SMYD4: variants seen among roughly 807,000 people sequenced by gnomAD.
The protein encoded by SMYD4 is SET and MYND domain containing 4.
In SMYD4, 68 loss-of-function variants were observed where a neutral mutation model predicts 72.8. That is an observed-to-expected ratio of 0.93 (90% confidence interval 0.77 to 1.14). The LOEUF is 1.14. SMYD4 is among the 50% of genes most tolerant of loss of function. SMYD4 has a pLI of 0.00. For synonymous variants in SMYD4, 407 were observed against 388.6 expected, an observed-to-expected ratio of 1.05 and a Z score of -0.56; for missense variants, 984 against 1,003.7, an observed-to-expected ratio of 0.98 and a Z score of 0.27.
intron 10 of SMYD4, 51 bp from the exon 11 acceptor site, chr17:1,781,490 G>A (rs2151216427): frequency 1.9e-6 from 3 of 1,587,080 alleles, no homozygotes; most frequent in Non-Finnish European, 2.6e-6. Context: ...TGAGGCAAAT[G>A]TTAATTGAGG....
chr17:1,788,822 T>C (rs1427222587), intron 5 of SMYD4, among the ~76,000 whole-genome samples: 3 of 152,136 alleles, frequency 2.0e-5, no homozygotes, highest in African/African-American at 7.2e-5. Context: ...CTGTAACACT[T>C]CACTTAGCCA....
chr17:1,812,068 ACC>A lies in SMYD4; in HGVS notation c.180_181del (p.Leu60PhefsTer33). Reference sequence around the variant, plus strand: ...AAGAGGAGCGTCCGAGTCCTTTCCCACCAAGTAACCTTTAGAAAGTCTTTTTA... The same window carrying A: ...AAGAGGAGCGTCCGAGTCCTTTCCCAAAGTAACCTTTAGAAAGTCTTTTTA... On this transcript the variant is annotated frameshift_variant, in exon 3 of 11. Transcript: ENST00000305513. LOFTEE classifies it high-confidence loss of function. 6.2e-7 allele frequency: 1 copy of A among 1,614,070 alleles called. No individual in the cohort carries two copies. Among genetic ancestry groups the A allele is most frequent in the Non-Finnish European group, 8.5e-7 (1 of 1,180,004 alleles).
rs927117885 is a variant in SMYD4 at position 1,783,473 on chromosome 17, C to A, written c.2024G>T (p.Arg675Leu). The A allele has an allele frequency of 6.8e-6, 11 of 1,606,074 alleles. No homozygotes were observed. The highest frequency in any genetic ancestry group is 9.3e-6 in the Non-Finnish European group (11 of 1,176,504). Reference sequence around the variant, plus strand: ...GCACCCCGACAGCCGCTGAACAGCTCGCTCTGTCAATGCAGAGGAAAGACG... The same window carrying A: ...GCACCCCGACAGCCGCTGAACAGCTAGCTCTGTCAATGCAGAGGAAAGACG... ...QKLLRDGELE[R>L]AVQRLSGCQR... is the part of the protein sequence containing the mutation. Residue 675 changes from arginine (R) to leucine (L), a missense_variant, in exon 9 of 11, where the codon CGA becomes CTA. By Grantham distance (102) the Arg-to-Leu change is moderately radical (BLOSUM62 -2). Transcript: ENST00000305513.
Position 1,794,643 on chromosome 17 carries a change from T to TG in SMYD4, c.1537+5213dup, listed in dbSNP as rs533841600. Reference sequence around the variant, plus strand: ...ATTTGAAAAAGACTCTAATCCTTTTTGGGGGGCTGTCATCAGTTTCCAGTT... The same window carrying TG: ...ATTTGAAAAAGACTCTAATCCTTTTTGGGGGGGCTGTCATCAGTTTCCAGTT... On this transcript the variant is annotated intron_variant, in intron 5 of 10. Transcript: ENST00000305513. Among the ~76,000 whole-genome samples, 242 of 152,180 alleles carry TG rather than the reference T, an allele frequency of 1.6e-3. 1 individual carries two copies. The highest frequency in any genetic ancestry group is 3.0e-3 in the Non-Finnish European group (201 of 67,990).
chr17:1,824,811 G>C (rs113847223), intron 2 of SMYD4, among the ~76,000 whole-genome samples: 1 of 151,952 alleles, frequency 6.6e-6, no homozygotes, highest in African/African-American at 2.4e-5. Context: ...TTTTAGTAGA[G>C]ATGGGGTTTC....
chr17:1,813,073 G>C (rs1420703568), intron 2 of SMYD4, among the ~76,000 whole-genome samples: 1 of 152,128 alleles, frequency 6.6e-6, no homozygotes, highest in Non-Finnish European at 1.5e-5. Context: ...CGAGTAGCGG[G>C]GATTACAGGC....
Position 1,800,627 on chromosome 17 carries a change from C to A in SMYD4, c.767G>T (p.Gly256Val), listed in dbSNP as rs547285105. 6.8e-6 allele frequency: 11 copies of A among 1,614,040 alleles called. No individual in the cohort carries two copies. The highest frequency in any genetic ancestry group is 9.3e-6 in the Non-Finnish European group (11 of 1,180,026). Residue 256 changes from glycine (G) to valine (V), a missense_variant, in exon 5 of 11, where the codon GGA becomes GTA. Coordinates refer to ENST00000305513, the MANE Select transcript of SMYD4 (RefSeq NM_052928.3). ...CLVATKDILP[G>V]ELLVQEDAFV... ...AGCATCCTCCTGCACCAGGAGCTCT[C>A]CTGGGAGAATATCTTTTGTGGCAAC...
chr17:1,809,826 T>C (rs1022002248), intron 3 of SMYD4, among the ~76,000 whole-genome samples: 2 of 151,804 alleles, frequency 1.3e-5, no homozygotes, highest in East Asian at 1.9e-4. Flanking sequence ...CCCGCCACCG[T>C]GCCCGGCTAA....
intron 5 of SMYD4, among the ~76,000 whole-genome samples, chr17:1,794,105 AT>A (rs59420310): frequency 2.5e-3 from 32 of 12,988 alleles, no homozygotes; most frequent in East Asian, 9.3e-3. Context: ...ATATATATAT[AT>A]TTTTTTTTTT....
intron 2 of SMYD4, among the ~76,000 whole-genome samples, chr17:1,826,569 TG>T (rs1455993533): frequency 3.3e-5 from 5 of 150,726 alleles, no homozygotes. Flanking sequence ...TAACCCTAAC[TG>T]TACCGAGTAT....
intron 5 of SMYD4, among the ~76,000 whole-genome samples, chr17:1,787,837 C>A (rs1377309157): frequency 1.3e-5 from 2 of 152,184 alleles, no homozygotes; most frequent in Admixed American, 6.5e-5. Flanking sequence ...AACCTAACGA[C>A]TGTGTCTCTA....
At chr17:1,828,624 G>A (rs1383511820) in intron 1 of SMYD4, among the ~76,000 whole-genome samples, 1 of 143,238 alleles carries the variant, frequency 7.0e-6, no homozygotes, top group Non-Finnish European at 1.5e-5. Flanking sequence ...GTGAGGCAGA[G>A]TCTTGCTCTG....
At chr17:1,804,402 C>CT in intron 4 of SMYD4, 1 of 418,204 alleles carries the variant, frequency 2.4e-6, no homozygotes, top group African/African-American at 2.0e-5. Flanking sequence ...GTCTTGAACT[C>CT]TTGACCTCAG....
Position 1,829,874 on chromosome 17 carries a change from C to A in SMYD4, c.-161G>T, listed in dbSNP as rs1192396112. On this transcript the variant is annotated 5_prime_UTR_variant, in exon 1 of 11. Coordinates refer to ENST00000305513, the MANE Select transcript of SMYD4 (RefSeq NM_052928.3). ...CCGCCCCGCACCGCGTCCGGCGTCC[C>A]GCGCCAGGCCTCGCTTGGGACCATG... The A allele has an allele frequency of 2.6e-6, 1 of 380,982 alleles. No individual in the cohort carries two copies. Among genetic ancestry groups the A allele is most frequent in the Admixed American group, 4.8e-5 (1 of 20,742 alleles). 23.6% of individuals were successfully genotyped at this position (380,982 alleles called of 1,614,324 possible).
Position 1,784,442 on chromosome 17 carries a change from C to T in SMYD4, c.1904G>A (p.Cys635Tyr). ...GGATTCTGCACAAGATCTGCTGCCA[C>T]AGCGCAGCACGTCATCTCCCTGTGG... ...APMQGDDVLR[C>Y]GSRSCAESAV... Residue 635 changes from cysteine (C) to tyrosine (Y), a missense_variant, in exon 8 of 11, where the codon TGT becomes TAT. Cys to Tyr is a radical substitution (Grantham distance 194, BLOSUM62 -2). Transcript: ENST00000305513. 1 of 1,614,190 alleles carries T rather than the reference C, an allele frequency of 6.2e-7. No individual in the cohort carries two copies. The highest frequency in any genetic ancestry group is 8.5e-7 in the Non-Finnish European group (1 of 1,180,050).
At chr17:1,824,715 G>A (rs1049998880) in intron 2 of SMYD4, among the ~76,000 whole-genome samples, 2 of 152,096 alleles carry the variant, frequency 1.3e-5, no homozygotes, top group Non-Finnish European at 2.9e-5. Flanking sequence ...CGTCTCCCAG[G>A]TTCAAGCAAT....
At chr17:1,806,894 T>C (rs1343797706) in intron 3 of SMYD4, among the ~76,000 whole-genome samples, 1 of 151,954 alleles carries the variant, frequency 6.6e-6, no homozygotes, top group African/African-American at 2.4e-5. Context: ...CATACAAGGG[T>C]TTTTTTCTTT....
chr17:1,795,365 G>T (rs62066332), intron 5 of SMYD4, among the ~76,000 whole-genome samples: 1 of 151,752 alleles, frequency 6.6e-6, no homozygotes. Flanking sequence ...TAAGAGACTT[G>T]CTCTGTCACC....
At chr17:1,823,893 G>A (rs1911024559) in intron 2 of SMYD4, among the ~76,000 whole-genome samples, 1 of 152,164 alleles carries the variant, frequency 6.6e-6, no homozygotes, top group African/African-American at 2.4e-5. Flanking sequence ...TCTGACACAT[G>A]AAGAAATACA....
Sources: gnomAD v4.1 joint callset for allele counts (sites outside exome capture counted in the v4.1 genomes callset) on GRCh38, gnomAD v4.1.1 for gene constraint, MANE v1.5 for transcripts, NCBI Gene and HGNC (gene_info 2026-07-23, HGNC 2026-07-21) for gene names.